Variants in AQR observed in about 807,000 individuals in gnomAD.
AQR encodes the protein aquarius intron-binding spliceosomal factor, also known as RNA helicase aquarius.
Under a neutral mutation model 180.5 loss-of-function variants are expected in AQR, and 61 were observed. That is an observed-to-expected ratio of 0.34 (90% CI 0.28 to 0.42). AQR has a LOEUF of 0.42. Ranked by LOEUF, AQR falls within the 10% of genes least tolerant of loss-of-function variation. The pLI, the probability that AQR is intolerant of heterozygous loss-of-function variation, is 1.00. For synonymous variants in AQR, 551 were observed against 588.8 expected (o/e 0.94, Z 0.93); for missense variants, 1,281 against 1,798.3 (o/e 0.71, Z 5.20).
intron 22 of AQR, among the ~76,000 whole-genome samples, chr15:34,896,110 A>C (rs1893239444): frequency 6.6e-6 from 1 of 152,242 alleles, no homozygotes; most frequent in Non-Finnish European, 1.5e-5. Flanking sequence ...CTTCTAAATC[A>C]GTTGTCAGCA....
chr15:34,867,010 G>C (rs1892745368), intron 32 of AQR, among the ~76,000 whole-genome samples: 2 of 152,134 alleles, frequency 1.3e-5, no homozygotes, highest in South Asian at 4.1e-4. Flanking sequence ...TTTATAATAA[G>C]AAGATATTAT....
chr15:34,966,010 C>T (rs964906300), intron 1 of AQR, among the ~76,000 whole-genome samples: 1 of 152,180 alleles, frequency 6.6e-6, no homozygotes, highest in African/African-American at 2.4e-5. Context: ...TGGGGTCTAA[C>T]GTGTAATGTC....
intron 14 of AQR, 94 bp from the exon 15 acceptor site, chr15:34,918,472 T>C: frequency 6.9e-7 from 1 of 1,450,312 alleles, no homozygotes; most frequent in Non-Finnish European, 9.3e-7. Context: ...TATCAGTTAT[T>C]GTAGCAGTTC....
chr15:34,860,220 A>G, intron 33 of AQR, 65 bp from the exon 34 acceptor site: 1 of 717,270 alleles, frequency 1.4e-6, no homozygotes, highest in Non-Finnish European at 2.1e-6. Context: ...ACACTTCAAC[A>G]TAAACCCATT....
chr15:34,882,883 T>C (rs1180463241), intron 26 of AQR, among the ~76,000 whole-genome samples: 1 of 152,166 alleles, frequency 6.6e-6, no homozygotes, highest in African/African-American at 2.4e-5. Context: ...TAAACAAGAA[T>C]ACTGAATAAA....
chr15:34,905,965 C>G (rs1049352866), intron 18 of AQR, among the ~76,000 whole-genome samples: 5 of 151,964 alleles, frequency 3.3e-5, no homozygotes, highest in African/African-American at 1.2e-4. Flanking sequence ...ACTTGGGAGG[C>G]AGAGGTTGCA....
intron 11 of AQR, 101 bp downstream of exon 11, chr15:34,932,217 T>C (rs1296850360): frequency 3.2e-6 from 3 of 927,610 alleles, no homozygotes; most frequent in African/African-American, 3.4e-5. Flanking sequence ...TTAAAATAAC[T>C]AGGAGTTTGT....
At chr15:34,949,995 T>C (rs1011113315) in intron 4 of AQR, among the ~76,000 whole-genome samples, 2 of 149,834 alleles carry the variant, frequency 1.3e-5, no homozygotes, top group African/African-American at 4.9e-5. Context: ...AAAAATCTTC[T>C]GAAACTCCTA....
intron 32 of AQR, among the ~76,000 whole-genome samples, chr15:34,863,537 T>C (rs1314614173): frequency 6.6e-6 from 1 of 152,166 alleles, no homozygotes; most frequent in Non-Finnish European, 1.5e-5. Flanking sequence ...AAGTTGAGCA[T>C]CCCTAATGTG....
chr15:34,885,728 T>C (rs985080812), intron 25 of AQR, among the ~76,000 whole-genome samples: 1 of 152,184 alleles, frequency 6.6e-6, no homozygotes, highest in African/African-American at 2.4e-5. Flanking sequence ...GAATCTAATG[T>C]AGACTATATT....
chr15:34,902,026 A>T (rs1893339579), intron 19 of AQR, among the ~76,000 whole-genome samples: 1 of 152,242 alleles, frequency 6.6e-6, no homozygotes, highest in South Asian at 2.1e-4. Flanking sequence ...TACAAAATAC[A>T]GTGGGAACAA....
intron 4 of AQR, among the ~76,000 whole-genome samples, chr15:34,950,050 G>A (rs1595808690): frequency 7.8e-6 from 1 of 128,910 alleles, no homozygotes; most frequent in Admixed American, 7.8e-5. Context: ...TTTTCCTTTC[G>A]TATTTTTCAT....
At chr15:34,860,001 T>C in intron 34 of AQR, 41 bp downstream of exon 34, 1 of 1,081,792 alleles carries the variant, frequency 9.2e-7, no homozygotes, top group Non-Finnish European at 1.3e-6. Flanking sequence ...GAAAATTATT[T>C]CTACAGCAAG....
chr15:34,886,466 A>G, intron 25 of AQR, 60 bp downstream of exon 25: 2 of 1,527,178 alleles, frequency 1.3e-6, no homozygotes, highest in South Asian at 1.3e-5. Context: ...AACTCATTCC[A>G]GCTTCCAACT....
At chr15:34,954,901 C>G (rs921258518) in intron 3 of AQR, among the ~76,000 whole-genome samples, 2 of 151,528 alleles carry the variant, frequency 1.3e-5, no homozygotes, top group African/African-American at 4.9e-5. Flanking sequence ...GGAGGGTGGA[C>G]TGCCTGAGCT....
chr15:34,900,530 T>C, intron 20 of AQR, 92 bp downstream of exon 20: 1 of 1,465,542 alleles, frequency 6.8e-7, no homozygotes, highest in East Asian at 2.3e-5. Flanking sequence ...CCAAATATAG[T>C]ACTCAAAACT....
Position 34,941,171 on chromosome 15 carries a change from T to A in AQR, c.541-172A>T, listed in dbSNP as rs545333635. 4.1e-3 allele frequency among the ~76,000 whole-genome samples: 623 copies of A among 152,334 alleles called. 9 individuals carry two copies. Among genetic ancestry groups the A allele is most frequent in the African/African-American group, 0.014 (592 of 41,580 alleles). ...AATTAAGAAATGAATAACGATATTT[T>A]AAAAAATTATTCAACTCTAGCTCTT... On this transcript the variant is annotated intron_variant, in intron 7 of 34. Transcript: ENST00000156471.
intron 23 of AQR, among the ~76,000 whole-genome samples, chr15:34,891,131 A>G (rs1053600451): frequency 6.6e-6 from 1 of 152,170 alleles, no homozygotes; most frequent in Non-Finnish European, 1.5e-5. Context: ...CTTTACCATC[A>G]AAATTCTAGC....
intron 5 of AQR, among the ~76,000 whole-genome samples, chr15:34,947,049 G>A (rs1894138452): frequency 6.6e-6 from 1 of 152,242 alleles, no homozygotes; most frequent in Non-Finnish European, 1.5e-5. Flanking sequence ...GATGACAATG[G>A]CGGTTTTGTA....
Sources: gnomAD v4.1 joint callset for allele counts (sites outside exome capture counted in the v4.1 genomes callset) on GRCh38, gnomAD v4.1.1 for gene constraint, MANE v1.5 for transcripts, NCBI Gene and HGNC (gene_info 2026-07-23, HGNC 2026-07-21) for gene names.